Variants in GRID2 observed in about 807,000 individuals in gnomAD.
The protein encoded by GRID2 is glutamate receptor ionotropic, delta-2.
GRID2 carries 33 observed loss-of-function variants against 114.8 expected under a neutral mutation model. That is an observed-to-expected ratio of 0.29 (90% CI 0.22 to 0.38). The LOEUF (loss-of-function observed/expected upper bound fraction) is 0.38, where lower values mean the gene tolerates loss of function less well. Ranked by LOEUF, GRID2 falls within the 10% of genes least tolerant of loss-of-function variation. GRID2 has a pLI of 1.00. For synonymous variants in GRID2, 505 were observed against 449.9 expected (o/e 1.12, Z -1.55); for missense variants, 1,184 against 1,257.7 (o/e 0.94, Z 0.89).
chr4:92,536,956 CAGTT>C (rs1274576496), intron 1 of GRID2, among the ~76,000 whole-genome samples: 1 of 152,064 alleles, frequency 6.6e-6, no homozygotes, highest in Admixed American at 6.6e-5. Flanking sequence ...GTTCAGGAGA[CAGTT>C]AGCAAAAGAA....
chr4:93,448,347 A>G (rs549779321), intron 10 of GRID2, among the ~76,000 whole-genome samples: 2 of 152,032 alleles, frequency 1.3e-5, no homozygotes, highest in Admixed American at 1.3e-4. Context: ...AACCTACCAA[A>G]GAAAACATGC....
At chr4:93,723,479 T>G (rs1002131603) in intron 14 of GRID2, among the ~76,000 whole-genome samples, 1 of 152,196 alleles carries the variant, frequency 6.6e-6, no homozygotes, top group African/African-American at 2.4e-5. Context: ...AGAATTGATG[T>G]TAGCTACACA....
intron 1 of GRID2, among the ~76,000 whole-genome samples, chr4:92,533,356 G>GA (rs1340523494): frequency 2.0e-5 from 3 of 150,760 alleles, no homozygotes; most frequent in Non-Finnish European, 3.0e-5. Context: ...TTTTGTCCAA[G>GA]AAAAAAAAGC....
intron 2 of GRID2, among the ~76,000 whole-genome samples, chr4:92,934,419 G>A (rs1272242915): frequency 6.7e-6 from 1 of 148,920 alleles, no homozygotes; most frequent in East Asian, 2.1e-4. Flanking sequence ...TCAGCTTAAG[G>A]AGATTTTGGG....
intron 9 of GRID2, among the ~76,000 whole-genome samples, chr4:93,408,009 C>G (rs945907894): frequency 6.6e-6 from 1 of 151,974 alleles, no homozygotes; most frequent in African/African-American, 2.4e-5. Flanking sequence ...AAATAACAAG[C>G]TAGGATGGTG....
chr4:93,213,677 T>C (rs1743839307), intron 5 of GRID2, among the ~76,000 whole-genome samples: 1 of 152,180 alleles, frequency 6.6e-6, no homozygotes. Flanking sequence ...CACAATCTTA[T>C]TCATTTCAAC....
intron 12 of GRID2, among the ~76,000 whole-genome samples, chr4:93,494,452 G>C (rs1354127333): frequency 1.3e-5 from 2 of 151,664 alleles, no homozygotes; most frequent in African/African-American, 4.8e-5. Context: ...CAATCTAATA[G>C]ATTTATTTTG....
intron 2 of GRID2, among the ~76,000 whole-genome samples, chr4:92,937,085 G>A (rs142953460): frequency 2.1e-5 from 3 of 146,098 alleles, no homozygotes; most frequent in East Asian, 4.4e-4. Context: ...CATACTAGGC[G>A]GTTATCAGAT....
intron 4 of GRID2, among the ~76,000 whole-genome samples, chr4:93,129,722 C>A (rs1288446419): frequency 2.0e-5 from 3 of 152,084 alleles, no homozygotes; most frequent in Non-Finnish European, 4.4e-5. Flanking sequence ...TTTACCTATT[C>A]TTTTTTGCAG....
At chr4:92,758,420 C>A (rs1737833408) in intron 2 of GRID2, among the ~76,000 whole-genome samples, 1 of 151,996 alleles carries the variant, frequency 6.6e-6, no homozygotes, top group South Asian at 2.1e-4. Flanking sequence ...TATTTTAAGT[C>A]TTGTTTAATA....
chr4:92,317,500 A>T (rs917297528), intron 1 of GRID2, among the ~76,000 whole-genome samples: 1 of 152,206 alleles, frequency 6.6e-6, no homozygotes, highest in African/African-American at 2.4e-5. Context: ...GTTAATAAAC[A>T]GTTAATAAAT....
Position 93,080,577 on chromosome 4 carries a change from C to T in GRID2, c.245-4418C>T, listed in dbSNP as rs114257467. 2.0e-3 allele frequency among the ~76,000 whole-genome samples: 300 copies of T among 152,210 alleles called. 2 individuals carry two copies. The highest frequency in any genetic ancestry group is 7.1e-3 in the African/African-American group (295 of 41,550). The stretch of plus-strand genomic sequence containing the variant: ...ACTCTAGGAGTAGACTTAGTCATCT[C>T]TCTCTCTATTTTTAATCTCCACTTT... On this transcript the variant is annotated intron_variant, in intron 2 of 15. Coordinates refer to ENST00000282020, the MANE Select transcript of GRID2 (RefSeq NM_001510.4).
intron 2 of GRID2, among the ~76,000 whole-genome samples, chr4:92,999,406 C>T (rs1755405245): frequency 1.3e-5 from 2 of 151,778 alleles, no homozygotes; most frequent in Non-Finnish European, 3.0e-5. Context: ...TTCTGGGAAA[C>T]CTGTTAGTCC....
At chr4:92,881,927 A>G (rs1032435892) in intron 2 of GRID2, among the ~76,000 whole-genome samples, 8 of 152,294 alleles carry the variant, frequency 5.3e-5, no homozygotes, top group Non-Finnish European at 1.2e-4. Context: ...AGTGATTTAA[A>G]TACTGTTACT....
chr4:93,554,517 A>G (rs938020571), intron 13 of GRID2, among the ~76,000 whole-genome samples: 1 of 152,188 alleles, frequency 6.6e-6, no homozygotes, highest in Non-Finnish European at 1.5e-5. Flanking sequence ...GACACAAGAT[A>G]TAATGTGTAA....
At chr4:92,666,667 T>TTTTTTTTTTTTTTTTTTA (rs1732800595) in intron 2 of GRID2, among the ~76,000 whole-genome samples, 1 of 148,750 alleles carries the variant, frequency 6.7e-6, no homozygotes, top group Non-Finnish European at 1.5e-5. Flanking sequence ...TTTTTTTTTT[T>TTTTTTTTTTTTTTTTTTA]TTTCAGATCT....
chr4:93,143,171 A>G (rs534030846), intron 4 of GRID2, among the ~76,000 whole-genome samples: 6 of 152,372 alleles, frequency 3.9e-5, no homozygotes, highest in African/African-American at 1.4e-4. Context: ...ATATTTTCTT[A>G]TCAGATTGCA....
chr4:93,778,460 G>A (rs931892471), downstream of GRID2, among the ~76,000 whole-genome samples: 8 of 136,948 alleles, frequency 5.8e-5, no homozygotes, highest in South Asian at 4.7e-4. Flanking sequence ...GCAGTGGCAC[G>A]ATCTCGGCTC....
chr4:93,214,708 A>G (rs1231616824), intron 5 of GRID2, among the ~76,000 whole-genome samples: 1 of 151,980 alleles, frequency 6.6e-6, no homozygotes, highest in East Asian at 1.9e-4. Flanking sequence ...ATCTTTGGAA[A>G]CCTATAAAAG....
Sources: allele counts gnomAD v4.1 joint callset (sites outside exome capture counted in the v4.1 genomes callset), GRCh38; gene constraint gnomAD v4.1.1; transcripts MANE v1.5; gene names NCBI Gene and HGNC (gene_info 2026-07-23, HGNC 2026-07-21).